The following BRD4 variants were observed in gnomAD, a reference collection of about 807,000 sequenced individuals.
The protein encoded by BRD4 is bromodomain containing 4.
BRD4 carries 16 observed loss-of-function variants against 142.1 expected under a neutral mutation model. The observed-to-expected ratio is 0.11, with a 90% CI of 0.08 to 0.17. The LOEUF (loss-of-function observed/expected upper bound fraction) is 0.17, where lower values mean the gene tolerates loss of function less well. BRD4 is among the 10% of genes least tolerant of loss of function. BRD4 has a pLI of 1.00. For synonymous variants in BRD4, 833 were observed against 707.5 expected (o/e 1.18, Z -2.82); for missense variants, 1,424 against 1,810.9 (o/e 0.79, Z 3.88).
chr19:15,240,157 A>C, intron 14 of BRD4, 135 bp from the exon 15 acceptor site: 1 of 1,349,332 alleles, frequency 7.4e-7, no homozygotes, highest in Non-Finnish European at 9.8e-7. Context: ...AGGGTCCATT[A>C]GCCCAGCTCA....
rs1019132727 is a variant in BRD4 at position 15,256,364 on chromosome 19, C to G, written c.1552-101G>C. On this transcript the variant is annotated intron_variant, in intron 8 of 19. Coordinates refer to ENST00000679869, the MANE Select transcript of BRD4 (RefSeq NM_001379291.1). ...CCAAAAAACATGCGACAGCATGCAC[C>G]TGGGGCATCAGGGTGTGGGCATAGG... 5 of 1,440,586 alleles carry G rather than the reference C, an allele frequency of 3.5e-6. No homozygotes were observed. The Admixed American group carries it at 6.5e-5, about 19-fold the overall frequency. The allele number at this position is 1,440,586 out of a possible 1,614,324, so 89.2% of individuals were successfully genotyped here.
chr19:15,327,560 G>T (rs1482042284), intron 1 of BRD4, among the ~76,000 whole-genome samples: 1 of 151,410 alleles, frequency 6.6e-6, no homozygotes, highest in South Asian at 2.1e-4. Flanking sequence ...GAAAAAAAGA[G>T]AAAAAAAAGT....
chr19:15,302,363 C>T (rs947945345), intron 1 of BRD4, among the ~76,000 whole-genome samples: 1 of 152,282 alleles, frequency 6.6e-6, no homozygotes, highest in Non-Finnish European at 1.5e-5. Flanking sequence ...AGCTTCCATG[C>T]TAACCTGGGG....
chr19:15,305,241 C>G (rs762752661), intron 1 of BRD4, among the ~76,000 whole-genome samples: 1 of 152,092 alleles, frequency 6.6e-6, no homozygotes, highest in Non-Finnish European at 1.5e-5. Context: ...CAGGGTTTCT[C>G]CATGTTAGTC....
intron 13 of BRD4, 107 bp from the exon 14 acceptor site, chr19:15,243,594 CCTCCCTCAAACTGGCA>C: frequency 7.1e-7 from 1 of 1,401,506 alleles, no homozygotes; most frequent in Non-Finnish European, 9.3e-7. Flanking sequence ...CTCCTACTGG[CCTCCCTCAAACTGGCA>C]CTCCCTCCCC....
Position 15,256,074 on chromosome 19 carries a change from T to C in BRD4, c.1741A>G (p.Ser581Gly). ...KKTKKNNSSN[S>G]NVSKKEPAPM... ...TCAGGGGACACAGACCTCACATTGC[T>C]GTTGCTGCTATTATTTTTCTTCGTC... Residue 581 changes from serine to glycine, a missense_variant, in exon 9 of 20, where the codon AGC becomes GGC. By Grantham distance (56) the Ser-to-Gly change is moderately conservative (BLOSUM62 0). This residue lies in a region of BRD4 where 86 missense variants were observed against 78.9 expected (regional missense o/e 1.09). Transcript: ENST00000679869. 1 of 1,611,626 alleles carries C rather than the reference T, an allele frequency of 6.2e-7. No homozygotes were observed. The highest frequency in any genetic ancestry group is 1.1e-5 in the South Asian group (1 of 90,854).
Position 15,255,420 on chromosome 19 carries a change from G to C in BRD4, c.1924C>G (p.Pro642Ala). Residue 642 changes from proline to alanine, a missense_variant, in exon 10 of 20, where the codon CCC becomes GCC. Physicochemically the swap from Pro to Ala is conservative, Grantham distance 27 (BLOSUM62 -1). Coordinates refer to ENST00000679869, the MANE Select transcript of BRD4 (RefSeq NM_001379291.1). ...TCGGGGTTGGAATTCTTCAGGGAGG[G>C]CTCCCGTGACTGGATGATGTGCACC... ...RVVHIIQSRE[P>A]SLKNSNPDEI... The C allele has an allele frequency of 6.2e-7, 1 of 1,614,114 alleles. No homozygotes were observed. The highest frequency in any genetic ancestry group is 8.5e-7 in the Non-Finnish European group (1 of 1,180,018).
chr19:15,242,369 T>C (rs892234865), intron 14 of BRD4, among the ~76,000 whole-genome samples: 1 of 152,086 alleles, frequency 6.6e-6, no homozygotes, highest in Non-Finnish European at 1.5e-5. Context: ...TGACCAATGC[T>C]GTCAATGGGA....
intron 1 of BRD4, among the ~76,000 whole-genome samples, chr19:15,327,310 G>A (rs2145013190): frequency 6.6e-6 from 1 of 152,294 alleles, no homozygotes; most frequent in South Asian, 2.1e-4. Flanking sequence ...AAGCTAAGGT[G>A]GGTGGATCAC....
At position 15,239,594 on chromosome 19, in the gene BRD4, A is replaced by C; in HGVS notation, c.3445+65T>G. ...GGGCATGGTCCACCAGCCCCACAGC[A>C]AGCTTATGTCCAACACGGGCCTCGG... On this transcript the variant is annotated intron_variant, in intron 16 of 19. Transcript: ENST00000679869. The surrounding 1 kb of genome is among the most constrained non-coding windows in gnomAD (Gnocchi z 7.4). The C allele has an allele frequency of 6.4e-7, 1 of 1,561,808 alleles. No individual in the cohort carries two copies. Among genetic ancestry groups the C allele is most frequent in the Non-Finnish European group, 8.6e-7 (1 of 1,160,424 alleles).
chr19:15,329,841 C>T (rs1465994545), intron 1 of BRD4, among the ~76,000 whole-genome samples: 1 of 152,210 alleles, frequency 6.6e-6, no homozygotes, highest in Non-Finnish European at 1.5e-5. Flanking sequence ...TTGTTACCCC[C>T]ACCTCCTAAA....
In BRD4 at chr19:15,332,094, C is replaced by G. The variant is rs1381862110; in HGVS notation, c.-35+196G>C. ...CCGACACCAACGGCGCAGGCCGCCCCGGCCCGGAACGAACGGCGCGGGAGG... is the reference window on the plus strand; with the variant it reads ...CCGACACCAACGGCGCAGGCCGCCCGGGCCCGGAACGAACGGCGCGGGAGG... On this transcript the variant is annotated intron_variant, in intron 1 of 19. Coordinates refer to ENST00000679869, the MANE Select transcript of BRD4 (RefSeq NM_001379291.1). Among the ~76,000 whole-genome samples, 15 of 146,812 alleles carry G rather than the reference C, an allele frequency of 1.0e-4. No individual in the cohort carries two copies. The East Asian group carries it at 3.0e-3, about 29-fold the overall frequency.
In BRD4 at chr19:15,308,781, C is replaced by T. The variant is rs141396200; in HGVS notation, c.-35+23509G>A. 4.9e-3 allele frequency among the ~76,000 whole-genome samples: 708 copies of T among 145,390 alleles called. 6 individuals are homozygous for T. Among genetic ancestry groups the T allele is most frequent in the African/African-American group, 0.017 (682 of 39,186 alleles). On this transcript the variant is annotated intron_variant, in intron 1 of 19. Transcript: ENST00000679869. ...TTGTAATACCAGCACTTTGGGAGGC[C>T]GAGGCGGGAGGATCACGAGGTCAGG... is the stretch of plus-strand genomic sequence containing the variant.
chr19:15,284,037 C>A (rs2047723626), intron 1 of BRD4, among the ~76,000 whole-genome samples: 1 of 152,054 alleles, frequency 6.6e-6, no homozygotes, highest in African/African-American at 2.4e-5. Flanking sequence ...GACTCAGGGT[C>A]CAGAGGTATC....
Position 15,238,571 on chromosome 19 carries a change from C to A in BRD4, c.4021-126G>T, listed in dbSNP as rs74691090. The A allele has an allele frequency of 2.0e-3, 3,104 of 1,535,284 alleles. 43 individuals are homozygous for A. In the African/African-American group the frequency reaches 0.037, roughly 18 times the overall value. On this transcript the variant is annotated intron_variant, in intron 19 of 19. Transcript: ENST00000679869. This position sits in a 1 kb window ranked among gnomAD's most constrained non-coding sequence, Gnocchi z 7.2. ...CGTGGCTGACCCCTCATAGCGCTCA[C>A]CCCGTCCACACAGCACTCAGGGCCC... is the stretch of plus-strand genomic sequence containing the variant.
intron 11 of BRD4, among the ~76,000 whole-genome samples, chr19:15,245,966 G>A (rs983585498): frequency 3.3e-5 from 5 of 152,190 alleles, no homozygotes; most frequent in Admixed American, 1.3e-4. Context: ...GTGGCCCTCA[G>A]TGCAGCATGC....
At position 15,266,400 on chromosome 19, in the gene BRD4, G is replaced by A. The variant is rs372464866; in HGVS notation, c.560-757C>T. Among the ~76,000 whole-genome samples, 4 of 152,306 alleles carry A rather than the reference G, an allele frequency of 2.6e-5. No individual in the cohort carries two copies. The East Asian group carries it at 5.8e-4, about 22-fold the overall frequency. ...CACCCATGTTCCCTGTGCATCTCAA[G>A]GAGCAAGGGTGAGATTCTGCTGAGT... On this transcript the variant is annotated intron_variant, in intron 4 of 19. Coordinates refer to ENST00000679869, the MANE Select transcript of BRD4 (RefSeq NM_001379291.1).
chr19:15,266,295 C>G lies in BRD4; in HGVS notation c.560-652G>C, dbSNP rs1026815684. Among the ~76,000 whole-genome samples, 3 of 152,328 alleles carry G rather than the reference C, an allele frequency of 2.0e-5. No homozygotes were observed. In the South Asian group the frequency reaches 6.2e-4, roughly 32 times the overall value. On this transcript the variant is annotated intron_variant, in intron 4 of 19. Transcript: ENST00000679869. ...GAATGTCTAGGAGCATAACCTGGGT[C>G]ACCACATCCTTCGTGTGCATGCTGG...
rs1237511246 is a variant in BRD4, at chr19:15,249,414, G to T, written c.2159-4652C>A. On this transcript the variant is annotated intron_variant, in intron 11 of 19. Coordinates refer to ENST00000679869, the MANE Select transcript of BRD4 (RefSeq NM_001379291.1). ...GCGCCCTGGTGGCTGATGGGCACAA[G>T]AACGGCACTGGAGACTGGAGCCCTG... 3.9e-6 allele frequency: 6 copies of T among 1,535,046 alleles called. No homozygotes were observed. The East Asian group carries it at 7.0e-5, about 18-fold the overall frequency.
Sources: gnomAD v4.1 joint callset for allele counts (sites outside exome capture counted in the v4.1 genomes callset) on GRCh38, gnomAD v4.1.1 for gene constraint, gnomAD v4.1.1 regional missense constraint, Gnocchi (gnomAD v3.1) non-coding constraint, MANE v1.5 for transcripts, NCBI Gene and HGNC (gene_info 2026-07-23, HGNC 2026-07-21) for gene names.